The following EXOC6B variants were observed in gnomAD, a reference collection of about 807,000 sequenced individuals.
The protein encoded by EXOC6B is exocyst complex component 6B.
Under a neutral mutation model 113.5 loss-of-function variants are expected in EXOC6B, and 54 were observed. The ratio of observed to expected loss-of-function variants is 0.48; its 90% CI spans 0.38 to 0.60. The LOEUF (loss-of-function observed/expected upper bound fraction) is 0.60, where lower values mean the gene tolerates loss of function less well. Among genes scored for constraint, EXOC6B ranks in the 20% least tolerant of loss-of-function variants. The pLI, the probability that EXOC6B is intolerant of heterozygous loss-of-function variation, is 0.00. For missense variants in EXOC6B, 797 were observed against 977.5 expected (o/e 0.82, Z 2.46); for synonymous variants, 357 against 339.0 (o/e 1.05, Z -0.58).
chr2:72,467,226 T>C (rs1176503269), intron 17 of EXOC6B, among the ~76,000 whole-genome samples: 6 of 152,226 alleles, frequency 3.9e-5, no homozygotes, highest in Non-Finnish European at 8.8e-5. Flanking sequence ...TCTTTATGCA[T>C]TCACCAGTTG....
chr2:72,652,381 T>C (rs1032124884), intron 6 of EXOC6B, among the ~76,000 whole-genome samples: 6 of 152,164 alleles, frequency 3.9e-5, no homozygotes, highest in Non-Finnish European at 8.8e-5. Context: ...TCAGTATTAA[T>C]TAAATATGTC....
chr2:72,445,743 G>A (rs547337771), intron 18 of EXOC6B, among the ~76,000 whole-genome samples: 2 of 152,138 alleles, frequency 1.3e-5, no homozygotes, highest in East Asian at 3.9e-4. Context: ...CCTCCCACTG[G>A]GTCCCTCCCA....
At chr2:72,530,153 C>T (rs1165840203) in intron 8 of EXOC6B, among the ~76,000 whole-genome samples, 1 of 152,006 alleles carries the variant, frequency 6.6e-6, no homozygotes, top group African/African-American at 2.4e-5. Flanking sequence ...ATTATTCTTC[C>T]ATTCATTCTA....
intron 19 of EXOC6B, among the ~76,000 whole-genome samples, chr2:72,372,465 TC>T (rs1304220664): frequency 6.6e-6 from 1 of 152,134 alleles, no homozygotes; most frequent in East Asian, 1.9e-4. Flanking sequence ...TGGCATTAAA[TC>T]CGACACACAG....
At chr2:72,180,368 A>T (rs954542230) in intron 21 of EXOC6B, among the ~76,000 whole-genome samples, 1 of 152,222 alleles carries the variant, frequency 6.6e-6, no homozygotes, top group African/African-American at 2.4e-5. Flanking sequence ...TGACTAAGCA[A>T]CTGTGACAGA....
At chr2:72,729,829 T>C (rs1680525979) in intron 5 of EXOC6B, among the ~76,000 whole-genome samples, 1 of 152,192 alleles carries the variant, frequency 6.6e-6, no homozygotes, top group Non-Finnish European at 1.5e-5. Flanking sequence ...TAGTGTTCTA[T>C]CCATGTTCTC....
chr2:72,311,761 A>G (rs1361323417), intron 20 of EXOC6B, among the ~76,000 whole-genome samples: 1 of 152,208 alleles, frequency 6.6e-6, no homozygotes, highest in African/African-American at 2.4e-5. Flanking sequence ...CAGATAGAAT[A>G]CAGAGAGTAA....
intron 2 of EXOC6B, among the ~76,000 whole-genome samples, chr2:72,739,438 A>G (rs1681166660): frequency 6.6e-6 from 1 of 152,090 alleles, no homozygotes; most frequent in Non-Finnish European, 1.5e-5. Context: ...ATCTTCATAT[A>G]TAAGGATATC....
In EXOC6B at chr2:72,674,337, C is replaced by A. The variant is rs190453008; in HGVS notation, c.669+43766G>T. 2.8e-3 allele frequency among the ~76,000 whole-genome samples: 422 copies of A among 152,290 alleles called. 8 individuals carry two copies. The highest frequency in any genetic ancestry group is 6.2e-4 in the Non-Finnish European group (42 of 68,032). On this transcript the variant is annotated intron_variant, in intron 6 of 21. Transcript: ENST00000272427. ...TCTATGATTAAGAAGGTCCTACCTT[C>A]TACAGATGATCACACTCCCCATCTT...
chr2:72,587,338 C>G (rs1015820196), intron 6 of EXOC6B, among the ~76,000 whole-genome samples: 2 of 152,154 alleles, frequency 1.3e-5, no homozygotes, highest in Non-Finnish European at 2.9e-5. Flanking sequence ...ACTGCATGTT[C>G]TCACTTATAA....
chr2:72,561,074 C>T (rs1446456621), intron 7 of EXOC6B, among the ~76,000 whole-genome samples: 1 of 152,036 alleles, frequency 6.6e-6, no homozygotes, highest in Admixed American at 6.5e-5. Context: ...TTTACAGTCT[C>T]CTCTTTCGGA....
At chr2:72,379,927 A>C in intron 18 of EXOC6B, 57 bp from the exon 19 acceptor site, 1 of 1,454,926 alleles carries the variant, frequency 6.9e-7, no homozygotes, top group Non-Finnish European at 9.1e-7. Context: ...ATTAAAATAA[A>C]ATTTCAACAA....
chr2:72,697,105 C>CAGATATAGATATAGATATAGATAT (rs70963140), intron 6 of EXOC6B, among the ~76,000 whole-genome samples: 326 of 142,764 alleles, frequency 2.3e-3, no homozygotes, highest in African/African-American at 7.3e-3. Flanking sequence ...TTTTTATATA[C>CAGATATAGATATAGATATAGATAT]AGATATAGAT....
intron 6 of EXOC6B, among the ~76,000 whole-genome samples, chr2:72,682,416 T>C: frequency 6.6e-6 from 1 of 152,196 alleles, no homozygotes; most frequent in Non-Finnish European, 1.5e-5. Flanking sequence ...AGACATATTT[T>C]ATCAGTTTCC....
intron 2 of EXOC6B, among the ~76,000 whole-genome samples, chr2:72,741,086 A>C (rs1279171774): frequency 6.6e-6 from 1 of 151,730 alleles, no homozygotes; most frequent in Non-Finnish European, 1.5e-5. Flanking sequence ...CCTGGGCGAC[A>C]GAGCGAGACT....
At chr2:72,286,881 C>T (rs544746033) in intron 20 of EXOC6B, among the ~76,000 whole-genome samples, 13 of 152,166 alleles carry the variant, frequency 8.5e-5, no homozygotes, top group African/African-American at 3.1e-4. Flanking sequence ...TACTAAATTA[C>T]TCATGTTTCA....
At position 72,762,660 on chromosome 2, in the gene EXOC6B, T is replaced by C. The variant is rs1300867101; in HGVS notation, c.114-21191A>G. On this transcript the variant is annotated intron_variant, in intron 1 of 21. Transcript: ENST00000272427. The stretch of plus-strand genomic sequence containing the variant: ...GCACTATAAAAACTGTTAAAGTAAG[T>C]TCCTCAGGCAAAAATAATATAAAAT... Among the ~76,000 whole-genome samples the C allele has an allele frequency of 2.0e-5, 3 of 152,138 alleles. No homozygotes were observed. The East Asian group carries it at 5.8e-4, about 29-fold the overall frequency.
At chr2:72,547,372 G>A (rs530977125) in intron 8 of EXOC6B, among the ~76,000 whole-genome samples, 24 of 152,156 alleles carry the variant, frequency 1.6e-4, no homozygotes, top group Non-Finnish European at 3.1e-4. Context: ...TTTTATTATA[G>A]TATAACACAT....
chr2:72,625,424 C>T (rs1446062869), intron 6 of EXOC6B, among the ~76,000 whole-genome samples: 1 of 152,146 alleles, frequency 6.6e-6, no homozygotes, highest in Non-Finnish European at 1.5e-5. Flanking sequence ...AACAGCTCTG[C>T]TACTTTCACT....
Sources: gnomAD v4.1 joint callset for allele counts (sites outside exome capture counted in the v4.1 genomes callset) on GRCh38, gnomAD v4.1.1 for gene constraint, MANE v1.5 for transcripts, NCBI Gene and HGNC (gene_info 2026-07-23, HGNC 2026-07-21) for gene names.